The following EHBP1 variants were observed in gnomAD, a reference collection of about 807,000 sequenced individuals.
EHBP1 encodes EH domain-binding protein 1.
In EHBP1, 55 loss-of-function variants were observed where a neutral mutation model predicts 144.0. That is an observed-to-expected ratio of 0.38 (90% CI 0.31 to 0.48). The LOEUF (loss-of-function observed/expected upper bound fraction) is 0.48, where lower values mean the gene tolerates loss of function less well. Among genes scored for constraint, EHBP1 ranks in the 20% least tolerant of loss-of-function variants. The pLI is 0.98. For missense variants in EHBP1, 1,200 were observed against 1,364.2 expected, an observed-to-expected ratio of 0.88 and a Z score of 1.90; for synonymous variants, 469 against 472.7, an observed-to-expected ratio of 0.99 and a Z score of 0.10.
chr2:62,755,784 A>G (rs1009076121), intron 3 of EHBP1, among the ~76,000 whole-genome samples: 1 of 152,246 alleles, frequency 6.6e-6, no homozygotes, highest in Non-Finnish European at 1.5e-5. Flanking sequence ...TCCACTAAGT[A>G]TAATAGGTGA....
chr2:62,809,089 G>A (rs1033783099), intron 5 of EHBP1, among the ~76,000 whole-genome samples: 3 of 152,070 alleles, frequency 2.0e-5, no homozygotes, highest in East Asian at 3.9e-4. Context: ...TCAGGAGTTC[G>A]AGAGCAGCCT....
At chr2:63,021,345 G>A (rs1030161580) in intron 19 of EHBP1, among the ~76,000 whole-genome samples, 1 of 152,022 alleles carries the variant, frequency 6.6e-6, no homozygotes, top group African/African-American at 2.4e-5. Flanking sequence ...CAACCCTTAG[G>A]TTATATGTAA....
At chr2:62,996,899 T>A in intron 19 of EHBP1, 133 bp downstream of exon 19, 4 of 1,294,596 alleles carry the variant, frequency 3.1e-6, no homozygotes, top group Non-Finnish European at 3.2e-6. Context: ...AAGGCTGCGA[T>A]TTGCAGCCAC....
intron 20 of EHBP1, 26 bp from the exon 21 acceptor site, chr2:63,038,717 T>C (rs2061542913): frequency 6.2e-7 from 1 of 1,604,278 alleles, no homozygotes; most frequent in Non-Finnish European, 8.5e-7. Context: ...AATTAGCATA[T>C]TGATGAACTT....
chr2:62,849,686 A>G (rs537981966), intron 7 of EHBP1, among the ~76,000 whole-genome samples: 2 of 152,236 alleles, frequency 1.3e-5, no homozygotes, highest in African/African-American at 2.4e-5. Flanking sequence ...GCAAAGTATT[A>G]TGACTCATTC....
intron 5 of EHBP1, among the ~76,000 whole-genome samples, chr2:62,811,303 T>C (rs1054219710): frequency 1.9e-4 from 29 of 152,264 alleles, no homozygotes; most frequent in Non-Finnish European, 2.1e-4. Flanking sequence ...AATTGCTCCA[T>C]GGACTCCAAA....
At chr2:62,780,925 A>T (rs2042379544) in intron 5 of EHBP1, among the ~76,000 whole-genome samples, 1 of 152,100 alleles carries the variant, frequency 6.6e-6, no homozygotes, top group South Asian at 2.1e-4. Context: ...ATTCGTCTTT[A>T]TTGACATTGA....
chr2:62,880,448 C>G (rs2051308719), intron 10 of EHBP1, among the ~76,000 whole-genome samples: 1 of 151,542 alleles, frequency 6.6e-6, no homozygotes, highest in Non-Finnish European at 1.5e-5. Context: ...AAAACTCTTG[C>G]CAGAGTAAAC....
At chr2:62,894,804 G>A (rs1299393716) in intron 10 of EHBP1, among the ~76,000 whole-genome samples, 1 of 152,010 alleles carries the variant, frequency 6.6e-6, no homozygotes, top group Non-Finnish European at 1.5e-5. Context: ...TGTGGTCCTA[G>A]CTACCCAGGA....
chr2:62,979,551 A>G (rs181621503), intron 15 of EHBP1, among the ~76,000 whole-genome samples: 10 of 152,352 alleles, frequency 6.6e-5, no homozygotes, highest in African/African-American at 2.4e-4. Context: ...AAAATACTCA[A>G]GAAGTACTCT....
chr2:62,757,436 T>C (rs1356652391), intron 3 of EHBP1, among the ~76,000 whole-genome samples: 10 of 145,702 alleles, frequency 6.9e-5, no homozygotes, highest in Non-Finnish European at 1.2e-4. Context: ...CTTTTTTTTT[T>C]TTTTTTTTTG....
At chr2:62,834,962 TA>T (rs1196377957) in intron 7 of EHBP1, among the ~76,000 whole-genome samples, 1 of 152,186 alleles carries the variant, frequency 6.6e-6, no homozygotes, top group Non-Finnish European at 1.5e-5. Context: ...TTTTATAGTT[TA>T]TTTTTTTAAA....
At chr2:62,938,013 A>G (rs888961148) in intron 10 of EHBP1, among the ~76,000 whole-genome samples, 9 of 152,220 alleles carry the variant, frequency 5.9e-5, no homozygotes, top group South Asian at 2.1e-4. Flanking sequence ...CTTACAAAAT[A>G]TGAGCAAAAC....
chr2:62,804,264 G>A (rs2044273418), intron 5 of EHBP1, among the ~76,000 whole-genome samples: 1 of 152,106 alleles, frequency 6.6e-6, no homozygotes, highest in African/African-American at 2.4e-5. Context: ...TAAAGAGTTT[G>A]AACTTGATTG....
intron 19 of EHBP1, among the ~76,000 whole-genome samples, chr2:62,998,016 C>T (rs1350475733): frequency 6.6e-6 from 1 of 151,944 alleles, no homozygotes; most frequent in Non-Finnish European, 1.5e-5. Context: ...AAAGGTTCTA[C>T]TGCTTAAAAT....
intron 19 of EHBP1, among the ~76,000 whole-genome samples, chr2:63,022,128 G>A (rs1428413286): frequency 6.6e-6 from 1 of 152,094 alleles, no homozygotes; most frequent in Non-Finnish European, 1.5e-5. Context: ...ATGCATTACT[G>A]ACCCTTGTTA....
intron 14 of EHBP1, among the ~76,000 whole-genome samples, chr2:62,959,521 A>G (rs1474181644): frequency 6.6e-6 from 1 of 152,194 alleles, no homozygotes; most frequent in African/African-American, 2.4e-5. Context: ...CACTTTCTCC[A>G]CATTCTCACC....
At chr2:62,874,096 A>G (rs552173914) in intron 9 of EHBP1, among the ~76,000 whole-genome samples, 4 of 152,302 alleles carry the variant, frequency 2.6e-5, no homozygotes, top group Admixed American at 2.0e-4. Flanking sequence ...AAGCTTCTAT[A>G]TATAATAGTT....
intron 1 of EHBP1, among the ~76,000 whole-genome samples, chr2:62,686,877 G>T (rs902775967): frequency 6.6e-6 from 1 of 152,180 alleles, no homozygotes; most frequent in Non-Finnish European, 1.5e-5. Context: ...ATAAATATTT[G>T]TCAAGCACTT....
Sources: gnomAD v4.1 joint callset for allele counts (sites outside exome capture counted in the v4.1 genomes callset) on GRCh38, gnomAD v4.1.1 for gene constraint, MANE v1.5 for transcripts, NCBI Gene and HGNC (gene_info 2026-07-23, HGNC 2026-07-21) for gene names.